Variants in TNKS1BP1 observed in about 807,000 individuals in gnomAD.
TNKS1BP1 encodes CCR4-NOT transcription complex subunit 12.
In TNKS1BP1, 48 loss-of-function variants were observed where a neutral mutation model predicts 141.1. The ratio of observed to expected loss-of-function variants is 0.34; its 90% CI spans 0.27 to 0.43. TNKS1BP1 has a LOEUF of 0.43. Among genes scored for constraint, TNKS1BP1 ranks in the 20% least tolerant of loss-of-function variants. The probability of loss-of-function intolerance (pLI) is 1.00; values close to 1 mark genes in which losing one functional copy is unlikely to be tolerated. For missense variants in TNKS1BP1, 2,149 were observed against 2,226.0 expected, an observed-to-expected ratio of 0.97 and a Z score of 0.70; for synonymous variants, 875 against 898.2, an observed-to-expected ratio of 0.97 and a Z score of 0.46.
rs370005549 is a variant in TNKS1BP1, at chr11:57,320,336, C to T, written c.471G>A (p.Ala157=). The change falls in exon 3 of 12, where the codon GCG becomes GCA. Residue 157 remains alanine, a synonymous_variant. Coordinates refer to ENST00000358252, the MANE Select transcript of TNKS1BP1 (RefSeq NM_033396.3). Reference sequence around the variant, plus strand: ...CCAGGATCTCTTCCACCGTGGTGGCCGCGAAGCGCTCTGAGGCTGGGCGGA... The same window carrying T: ...CCAGGATCTCTTCCACCGTGGTGGCTGCGAAGCGCTCTGAGGCTGGGCGGA... ...APFRPASERF[A]ATTVEEILAK... 143 of 1,614,058 alleles carry T rather than the reference C, an allele frequency of 8.9e-5. No individual in the cohort carries two copies. Among genetic ancestry groups the T allele is most frequent in the Non-Finnish European group, 1.1e-4 (130 of 1,180,044 alleles).
In TNKS1BP1 at chr11:57,310,146, G is replaced by T; in HGVS notation, c.2565C>A (p.Tyr855Ter). ...EFRKRDSQGT[Y>*]SSRDAELQDQ... ...CCTGGAGTTCTGCATCCCGGCTGGA[G>T]TAAGTGCCCTGGGAATCCCTCTTTC... Residue 855 changes from tyrosine (Y) to a stop codon, truncating the protein, a stop_gained, in exon 6 of 12, where the codon TAC becomes TAA. Coordinates refer to ENST00000358252, the MANE Select transcript of TNKS1BP1 (RefSeq NM_033396.3). LOFTEE classifies it high-confidence loss of function. 1 of 1,614,202 alleles carries T rather than the reference G, an allele frequency of 6.2e-7. No individual in the cohort carries two copies. The highest frequency in any genetic ancestry group is 8.5e-7 in the Non-Finnish European group (1 of 1,180,050).
At position 57,313,472 on chromosome 11, in the gene TNKS1BP1, A is replaced by T; in HGVS notation, c.1216T>A (p.Ser406Thr). Reference sequence around the variant, plus strand: ...CCCTTGGCCTCCTCCTCCCCGCCAGATGGAAACGTCCGAGTGAGATCCAGC... The same window carrying T: ...CCCTTGGCCTCCTCCTCCCCGCCAGTTGGAAACGTCCGAGTGAGATCCAGC... ...ELLDLTRTFPSGGEEEAKGDA... is the reference protein window; with the variant it reads ...ELLDLTRTFPTGGEEEAKGDA... Residue 406 changes from serine (S) to threonine (T), a missense_variant, in exon 5 of 12, where the codon TCT becomes ACT. Transcript: ENST00000358252. 6.3e-7 allele frequency: 1 copy of T among 1,588,352 alleles called. No individual in the cohort carries two copies. The highest frequency in any genetic ancestry group is 8.6e-7 in the Non-Finnish European group (1 of 1,166,348).
chr11:57,311,375 C>T, intron 5 of TNKS1BP1: 4 of 985,756 alleles, frequency 4.1e-6, no homozygotes. Flanking sequence ...GCCCCCCGCC[C>T]CCAACCCGCC....
At chr11:57,310,735 C>T (rs1395719071) in intron 5 of TNKS1BP1, among the ~76,000 whole-genome samples, 179 bp from the exon 6 acceptor site, 2 of 152,154 alleles carry the variant, frequency 1.3e-5, no homozygotes, top group East Asian at 3.8e-4. Flanking sequence ...CATCCTTAAA[C>T]GAGGATAATT....
intron 5 of TNKS1BP1, chr11:57,311,534 G>A (rs1483160035): frequency 9.8e-6 from 9 of 922,996 alleles, no homozygotes; most frequent in African/African-American, 1.8e-5. Flanking sequence ...GCCCCGCCCA[G>A]GAGCCAGTTG....
Position 57,324,832 on chromosome 11 carries a change from GCA to G in TNKS1BP1, c.-66+6_-66+7del. On this transcript the variant is annotated splice_donor_region_variant and intron_variant, in intron 1 of 11. Coordinates refer to ENST00000358252, the MANE Select transcript of TNKS1BP1 (RefSeq NM_033396.3). ...CCCTCCTTCGCCCGACCGCCCCCGC[GCA>G]CTCACGCGCTCGCCCGGGGTCCGGC... 1 of 980,982 alleles carries G rather than the reference GCA, an allele frequency of 1.0e-6. No homozygotes were observed. Among genetic ancestry groups the G allele is most frequent in the Non-Finnish European group, 1.2e-6 (1 of 829,170 alleles). The allele number at this position is 980,982 out of a possible 1,614,324, so 60.8% of individuals were successfully genotyped here. A position where few individuals can be genotyped will look rare whatever the true frequency, so the allele number is the denominator to read the frequency against.
At position 57,310,453 on chromosome 11, in the gene TNKS1BP1, G is replaced by C. The variant is rs1456180943; in HGVS notation, c.2258C>G (p.Ser753Cys). ...FSPSSWCQGA[S>C]QDYGLGGASP... ...TGCACCCCCAAGGCCATAGTCCTGA[G>C]AAGCACCTTGACACCAGCTGGAAGG... Residue 753 changes from serine to cysteine, a missense_variant, in exon 6 of 12, where the codon TCT becomes TGT. By Grantham distance (112) the Ser-to-Cys change is moderately radical. Transcript: ENST00000358252. 6.2e-7 allele frequency: 1 copy of C among 1,613,632 alleles called. No individual in the cohort carries two copies. Among genetic ancestry groups the C allele is most frequent in the Non-Finnish European group, 8.5e-7 (1 of 1,180,038 alleles).
chr11:57,313,559 G>A lies in TNKS1BP1; in HGVS notation c.1129C>T (p.Pro377Ser). The A allele has an allele frequency of 6.3e-7, 1 of 1,581,822 alleles. No homozygotes were observed. The highest frequency in any genetic ancestry group is 2.2e-5 in the East Asian group (1 of 44,668). ...PSSPPPEVLE[P>S]HSLDQPPATS... ...GCAGGGGGCTGATCCAGGCTATGGG[G>A]CTCCAAGACCTCAGGGGGTGGGCTG... Residue 377 changes from proline to serine, a missense_variant, in exon 5 of 12, where the codon CCC (proline) becomes TCC (serine). Pro to Ser is a moderately conservative substitution (Grantham distance 74). Coordinates refer to ENST00000358252, the MANE Select transcript of TNKS1BP1 (RefSeq NM_033396.3).
rs779930783 is a variant in TNKS1BP1 at position 57,308,634 on chromosome 11, T to C, written c.4077A>G (p.Pro1359=). 6.2e-7 allele frequency: 1 copy of C among 1,613,602 alleles called. No homozygotes were observed. Among genetic ancestry groups the C allele is most frequent in the Admixed American group, 1.7e-5 (1 of 60,018 alleles). Residue 1359 remains proline, a synonymous_variant, in exon 6 of 12, where the codon CCA becomes CCG. Transcript: ENST00000358252. ...APQNVELFGA[P]SEAREHGVGG... is the part of the protein sequence containing the mutation. Reference sequence around the variant, plus strand: ...CCACCCCATGCTCCCTGGCTTCACTTGGAGCCCCAAAGAGCTCCACATTCT... The same window carrying C: ...CCACCCCATGCTCCCTGGCTTCACTCGGAGCCCCAAAGAGCTCCACATTCT...
rs1478957361 is a variant in TNKS1BP1 at position 57,313,732 on chromosome 11, T to G, written c.956A>C (p.Glu319Ala). ...KSSPCHSQLL[E>A]AQTPEASQAS... ...CTGGGAAGCTTCAGGAGTCTGGGCT[T>G]CCAGAAGCTGTGAGTGGCAGGGAGA... The change falls in exon 5 of 12, where the codon GAA becomes GCA. Residue 319 changes from glutamate (E) to alanine (A), a missense_variant. Coordinates refer to ENST00000358252, the MANE Select transcript of TNKS1BP1 (RefSeq NM_033396.3). 1.5e-5 allele frequency: 24 copies of G among 1,597,536 alleles called. No homozygotes were observed. The highest frequency in any genetic ancestry group is 2.0e-5 in the Non-Finnish European group (24 of 1,172,268).
chr11:57,319,333 T>C (rs1187413526), intron 3 of TNKS1BP1, among the ~76,000 whole-genome samples: 1 of 152,132 alleles, frequency 6.6e-6, no homozygotes, highest in Non-Finnish European at 1.5e-5. Flanking sequence ...AACATCTGTC[T>C]CTGCCTCTTA....
rs374814404 is a variant in TNKS1BP1, at chr11:57,308,898, T to C, written c.3813A>G (p.Ser1271=). 3.7e-6 allele frequency: 6 copies of C among 1,613,704 alleles called. No homozygotes were observed. In the African/African-American group the frequency reaches 6.7e-5, roughly 18 times the overall value. ...CTGCCTGTCCAACTCCACGCTCCCT[T>C]GATTTAAGGAACTCTCCGGCCTCCA... ...SGVEAGEFLK[S]RERGVGQADW... The change falls in exon 6 of 12, where the codon TCA becomes TCG. Residue 1271 remains serine, a synonymous_variant. Transcript: ENST00000358252.
At chr11:57,318,002 C>T in intron 3 of TNKS1BP1, 115 bp from the exon 4 acceptor site, 1 of 935,566 alleles carries the variant, frequency 1.1e-6, no homozygotes, top group South Asian at 1.4e-5. Flanking sequence ...GTTAAACCCT[C>T]CTAGCCATTT....
In TNKS1BP1 at chr11:57,309,212, G is replaced by A. The variant is rs1291996832; in HGVS notation, c.3499C>T (p.Leu1167Phe). The A allele has an allele frequency of 2.5e-6, 4 of 1,614,046 alleles. No individual in the cohort carries two copies. The African/African-American group carries it at 5.3e-5, about 22-fold the overall frequency. The part of the protein sequence containing the change: ...GSVDWTDQLG[L>F]RNLEVSSCVG... Reference sequence around the variant, plus strand: ...CAGCTGGACACTTCCAAGTTCCTGAGACCCAGCTGGTCAGTCCAGTCCACC... The same window carrying A: ...CAGCTGGACACTTCCAAGTTCCTGAAACCCAGCTGGTCAGTCCAGTCCACC... Residue 1167 changes from leucine (L) to phenylalanine (F), a missense_variant, in exon 6 of 12, where the codon CTC becomes TTC. Coordinates refer to ENST00000358252, the MANE Select transcript of TNKS1BP1 (RefSeq NM_033396.3). The surrounding 1 kb of genome is among the most constrained non-coding windows in gnomAD (Gnocchi z 4.3).
In TNKS1BP1 at chr11:57,308,958, T is replaced by C. The variant is rs1287647094; in HGVS notation, c.3753A>G (p.Arg1251=). ...VGEGGGHSQA[R]ESGVGQTDWS... ...AGTCAGTCTGCCCCACGCCACTCTC[T>C]CTGGCCTGGCTGTGGCCTCCTCCCT... The change falls in exon 6 of 12, where the codon AGA becomes AGG. Residue 1251 remains arginine (R), a synonymous_variant. Coordinates refer to ENST00000358252, the MANE Select transcript of TNKS1BP1 (RefSeq NM_033396.3). 5 of 1,613,946 alleles carry C rather than the reference T, an allele frequency of 3.1e-6. No homozygotes were observed.
At chr11:57,305,471 A>C (rs1565038771) in intron 6 of TNKS1BP1, among the ~76,000 whole-genome samples, 1 of 152,180 alleles carries the variant, frequency 6.6e-6, no homozygotes, top group East Asian at 1.9e-4. Context: ...CCAAGACGGT[A>C]TCCCACCCCA....
In TNKS1BP1 at chr11:57,308,512, CCCA is replaced by C. The variant is rs1176203198; in HGVS notation, c.4196_4198del (p.Leu1399_Gly1400delinsArg). 2 of 1,614,056 alleles carry C rather than the reference CCCA, an allele frequency of 1.2e-6. No individual in the cohort carries two copies. The highest frequency in any genetic ancestry group is 2.7e-5 in the African/African-American group (2 of 74,906). ...CTCTGGCCCACTTGTCTCACCAACCCCCAGCTCCCTGGCCTCCAAGGGGTCTCT... is the reference window on the plus strand; with the variant it reads ...CTCTGGCCCACTTGTCTCACCAACCCGCTCCCTGGCCTCCAAGGGGTCTCT... On this transcript the variant is annotated inframe_deletion, in exon 6 of 12. Transcript: ENST00000358252.
intron 6 of TNKS1BP1, among the ~76,000 whole-genome samples, chr11:57,304,747 G>A (rs1169815857): frequency 6.6e-6 from 1 of 151,126 alleles, no homozygotes; most frequent in Non-Finnish European, 1.5e-5. Context: ...GCAGGCACCT[G>A]TAATCCCAGC....
At position 57,313,318 on chromosome 11, in the gene TNKS1BP1, T is replaced by C; in HGVS notation, c.1370A>G (p.Gln457Arg). ...CCCAAAGGGACGATCCAGGGCCAAC[T>C]GGCTCCCCTGGCCTTGGGGCAGGGC... The part of the protein sequence containing the change: ...LAALPQGQGS[Q>R]LALDRPFGAE... The change falls in exon 5 of 12, where the codon CAG becomes CGG. Residue 457 changes from glutamine to arginine, a missense_variant. Coordinates refer to ENST00000358252, the MANE Select transcript of TNKS1BP1 (RefSeq NM_033396.3). The C allele has an allele frequency of 6.2e-7, 1 of 1,612,944 alleles. No homozygotes were observed. Among genetic ancestry groups the C allele is most frequent in the Non-Finnish European group, 8.5e-7 (1 of 1,179,922 alleles).
Sources: allele counts gnomAD v4.1 joint callset (sites outside exome capture counted in the v4.1 genomes callset), GRCh38; gene constraint gnomAD v4.1.1; non-coding constraint Gnocchi (gnomAD v3.1); transcripts MANE v1.5; gene names NCBI Gene and HGNC (gene_info 2026-07-23, HGNC 2026-07-21).